PNMA6E: variants seen among roughly 807,000 people sequenced by gnomAD.
PNMA6E encodes the protein paraneoplastic antigen Ma6E.
For synonymous variants in PNMA6E, 43 were observed against 17.1 expected (o/e 2.52, Z -3.74); for missense variants, 78 against 50.8 (o/e 1.53, Z -1.63).
chrX:153,411,497 G>A, the PNMA6E span, among the ~76,000 whole-genome samples: 2 of 111,940 alleles, frequency 1.8e-5, no homozygotes, highest in African/African-American at 6.5e-5. Context: ...GCTCGTCGGC[G>A]CACCAGACTG....
the PNMA6E span, among the ~76,000 whole-genome samples, chrX:153,409,227 G>A: frequency 1.4e-3 from 156 of 113,530 alleles, no homozygotes; most frequent in Admixed American, 2.5e-3. Context: ...GCCGGACTGT[G>A]AGAGGGCTAG....
At chrX:153,400,705 G>T (rs1399927389) in intron 1 of PNMA6E, among the ~76,000 whole-genome samples, 2 of 110,244 alleles carry the variant, frequency 1.8e-5, no homozygotes, top group African/African-American at 6.6e-5. Flanking sequence ...CCCGCCAGGG[G>T]CCGTCCCCTC....
At chrX:153,399,549 T>A (rs974040109) in intron 1 of PNMA6E, among the ~76,000 whole-genome samples, 1 of 111,172 alleles carries the variant, frequency 9.0e-6, no homozygotes, top group Non-Finnish European at 1.9e-5. Context: ...GGTCTCACTA[T>A]GTTGCCTAGG....
upstream of PNMA6E, among the ~76,000 whole-genome samples, chrX:153,404,479 ATTGT>A (rs1160384868): frequency 8.2e-5 from 9 of 109,163 alleles, no homozygotes; most frequent in African/African-American, 3.0e-4. Context: ...AAGATGAGTC[ATTGT>A]TTGTTATTGT....
At chrX:153,409,906 C>T in the PNMA6E span, among the ~76,000 whole-genome samples, 2 of 112,301 alleles carry the variant, frequency 1.8e-5, no homozygotes, top group Admixed American at 9.3e-5. Context: ...CTGGATGATG[C>T]GGGTGCAAAG....
At chrX:153,402,473 C>G (rs2088858248), upstream of PNMA6E, among the ~76,000 whole-genome samples, 1 of 111,260 alleles carries the variant, frequency 9.0e-6, no homozygotes, top group Non-Finnish European at 1.9e-5. Flanking sequence ...CAGATTACTG[C>G]CCCCTGCACC....
Position 153,398,662 on chromosome X carries a change from T to C in PNMA6E, c.188A>G (p.Lys63Arg), listed in dbSNP as rs1301083362. Residue 63 changes from lysine to arginine, a missense_variant, in exon 2 of 2, where the codon AAG becomes AGG. By Grantham distance (26) the Lys-to-Arg change is conservative. Coordinates refer to ENST00000445091, the MANE Select transcript of PNMA6E (RefSeq NM_001367770.1). Reference sequence around the variant, plus strand: ...CTCAGCGAACTCCACCAAGGCTGCCTTGGCCCCGAGCTCCTTTCTGAAGTG... The same window carrying C: ...CTCAGCGAACTCCACCAAGGCTGCCCTGGCCCCGAGCTCCTTTCTGAAGTG... ...TKHFRKELGA[K>R]AALVEFAEYL... is the part of the protein sequence containing the mutation. 1 of 326,923 alleles carries C rather than the reference T, an allele frequency of 3.1e-6. No homozygotes were observed. Among genetic ancestry groups the C allele is most frequent in the African/African-American group, 2.7e-5 (1 of 37,582 alleles). The allele number at this position is 326,923 out of a possible 1,213,427, so 26.9% of individuals were successfully genotyped here. A position where few individuals can be genotyped will look rare whatever the true frequency, so the allele number is the denominator to read the frequency against.
At chrX:153,408,998 G>C in the PNMA6E span, among the ~76,000 whole-genome samples, 1 of 112,817 alleles carries the variant, frequency 8.9e-6, no homozygotes, top group South Asian at 3.6e-4. Context: ...CCTCCCTGCT[G>C]GGCCCCTGGG....
At chrX:153,403,332 G>A (rs2088862966), upstream of PNMA6E, among the ~76,000 whole-genome samples, 2 of 111,785 alleles carry the variant, frequency 1.8e-5, no homozygotes, top group Admixed American at 9.5e-5. Context: ...TTCCAATGTT[G>A]TTTTTCAGTT....
chrX:153,412,889 G>T, the PNMA6E span, among the ~76,000 whole-genome samples: 1 of 112,201 alleles, frequency 8.9e-6, no homozygotes, highest in Middle Eastern at 4.2e-3. Flanking sequence ...GCCCCCTTTT[G>T]GCTAGGTTAC....
rs1311264943 is a variant in PNMA6E at position 153,397,532 on chromosome X, C to T, written c.1318G>A (p.Gly440Arg). 2 of 297,654 alleles carry T rather than the reference C, an allele frequency of 6.7e-6. No homozygotes were observed. The highest frequency in any genetic ancestry group is 1.2e-5 in the Non-Finnish European group (2 of 170,555). The allele number at this position is 297,654 out of a possible 1,213,427, so 24.5% of individuals were successfully genotyped here. A position where few individuals can be genotyped will look rare whatever the true frequency, so the allele number is the denominator to read the frequency against. ...TTGGCCAAGGCTGGGCAGACGGCCC[C>T]CTTCTCCACAGCCCTCTGCAGCAGG... Reference protein sequence around the residue: ...EGLLQRAVEKGAVCPALANYL... With the variant: ...EGLLQRAVEKRAVCPALANYL... Residue 440 changes from glycine (G) to arginine (R), a missense_variant, in exon 2 of 2, where the codon GGG becomes AGG. Transcript: ENST00000445091.
At position 153,397,253 on chromosome X, in the gene PNMA6E, C is replaced by T; in HGVS notation, c.1597G>A (p.Gly533Ser). Reference protein sequence around the residue: ...SPAQGNASEAGPGAEDAAEAA... With the variant: ...SPAQGNASEASPGAEDAAEAA... ...TCGGCAGCATCTTCTGCTCCGGGAC[C>T]AGCCTCGCTGGCATTCCCCTGGGCT... The change falls in exon 2 of 2, where the codon GGT becomes AGT. Residue 533 changes from glycine (G) to serine (S), a missense_variant. By Grantham distance (56) the Gly-to-Ser change is moderately conservative. Transcript: ENST00000445091. 1.3e-5 allele frequency: 4 copies of T among 298,172 alleles called. No homozygotes were observed. The East Asian group carries it at 1.9e-4, about 14-fold the overall frequency. The allele number at this position is 298,172 out of a possible 1,213,427, so 24.6% of individuals were successfully genotyped here.
In PNMA6E at chrX:153,397,962, A is replaced by G. The variant is rs141508931; in HGVS notation, c.888T>C (p.Asn296=). Residue 296 remains asparagine, a synonymous_variant, in exon 2 of 2, where the codon AAT becomes AAC. Transcript: ENST00000445091. The part of the protein sequence containing the change: ...AGAVGEAGGT[N]VTKAWVQPWR... ...AAGGCTGGACCCAGGCTTTTGTTAC[A>G]TTTGTCCCTCCTGCTTCACCCACAG... The G allele has an allele frequency of 2.1e-3, 887 of 422,401 alleles. 6 individuals carry two copies. The highest frequency in any genetic ancestry group is 0.019 in the African/African-American group (740 of 39,778). 34.8% of individuals were successfully genotyped at this position (422,401 alleles called of 1,213,427 possible).
At chrX:153,410,642 T>C in the PNMA6E span, among the ~76,000 whole-genome samples, 1 of 112,776 alleles carries the variant, frequency 8.9e-6, no homozygotes, top group East Asian at 2.8e-4. Flanking sequence ...GAGGGCTCCT[T>C]GCTGCGGGCT....
At chrX:153,411,016 C>A in the PNMA6E span, among the ~76,000 whole-genome samples, 8 of 110,872 alleles carry the variant, frequency 7.2e-5, no homozygotes, top group African/African-American at 2.6e-4. Flanking sequence ...TCCCTGACCT[C>A]CTTTTTCCCC....
chrX:153,400,577 A>G, intron 1 of PNMA6E, among the ~76,000 whole-genome samples: 1 of 18,459 alleles, frequency 5.4e-5, no homozygotes, highest in Non-Finnish European at 1.1e-4. Flanking sequence ...CTCCACCCCC[A>G]AGTCAGGAGC....
At chrX:153,410,241 G>A in the PNMA6E span, among the ~76,000 whole-genome samples, 1 of 111,434 alleles carries the variant, frequency 9.0e-6, no homozygotes, top group East Asian at 2.8e-4. Flanking sequence ...TGGATCATCT[G>A]GGTTGCTCTC....
chrX:153,412,528 C>T, the PNMA6E span, among the ~76,000 whole-genome samples: 6,216 of 112,132 alleles, frequency 0.055, 185 homozygotes, highest in Non-Finnish European at 0.09. Context: ...GAAGGGAGGT[C>T]TGGTTGCCAG....
chrX:153,408,038 C>A, the PNMA6E span, among the ~76,000 whole-genome samples: 1 of 112,676 alleles, frequency 8.9e-6, no homozygotes, highest in African/African-American at 3.2e-5. Flanking sequence ...AGTGAAGCCA[C>A]TGGAGGGGGC....
Sources: gnomAD v4.1 joint callset for allele counts (sites outside exome capture counted in the v4.1 genomes callset) on GRCh38, gnomAD v4.1.1 for gene constraint, MANE v1.5 for transcripts, NCBI Gene and HGNC (gene_info 2026-07-23, HGNC 2026-07-21) for gene names.